The following HS6ST3 variants were observed in gnomAD, a reference collection of about 807,000 sequenced individuals.
HS6ST3 encodes heparan-sulfate 6-O-sulfotransferase 3.
A neutral mutation model predicts 36.7 loss-of-function variants in HS6ST3; 12 were observed. That is an observed-to-expected ratio of 0.33 (90% CI 0.21 to 0.53). The LOEUF (loss-of-function observed/expected upper bound fraction) is 0.53, where lower values mean the gene tolerates loss of function less well. Ranked by LOEUF, HS6ST3 falls within the 20% of genes least tolerant of loss-of-function variation. The probability of loss-of-function intolerance (pLI) is 0.95; values close to 1 mark genes in which losing one functional copy is unlikely to be tolerated. For missense variants in HS6ST3, 584 were observed against 640.9 expected (o/e 0.91, Z 0.96); for synonymous variants, 240 against 257.5 (o/e 0.93, Z 0.65).
chr13:96,469,235 A>G (rs1195651702), intron 1 of HS6ST3, among the ~76,000 whole-genome samples: 5 of 151,908 alleles, frequency 3.3e-5, no homozygotes, highest in Admixed American at 6.6e-5. Flanking sequence ...CCTTAAATAC[A>G]TTTTAGAATT....
At chr13:96,213,703 T>C (rs181756315) in intron 1 of HS6ST3, among the ~76,000 whole-genome samples, 93 of 152,312 alleles carry the variant, frequency 6.1e-4, no homozygotes, top group Non-Finnish European at 1.0e-3. Context: ...ATCAGTTTTG[T>C]ATGTGGATGT....
At chr13:96,285,560 A>G (rs1040357496) in intron 1 of HS6ST3, among the ~76,000 whole-genome samples, 3 of 152,190 alleles carry the variant, frequency 2.0e-5, no homozygotes, top group Non-Finnish European at 2.9e-5. Flanking sequence ...GTTCTGAGGA[A>G]TAAGTCATGA....
intron 1 of HS6ST3, among the ~76,000 whole-genome samples, chr13:96,658,296 T>TC (rs2056633864): frequency 1.1e-5 from 1 of 87,384 alleles, no homozygotes; most frequent in Non-Finnish European, 2.4e-5. Flanking sequence ...TTTTTTTTTT[T>TC]TTGAGATGGC....
intron 1 of HS6ST3, among the ~76,000 whole-genome samples, chr13:96,332,115 G>C (rs1349479840): frequency 1.3e-5 from 2 of 152,220 alleles, no homozygotes; most frequent in Admixed American, 6.5e-5. Context: ...CGGTACCTCA[G>C]ATGGAAATGC....
chr13:96,304,550 A>G (rs1038177170), intron 1 of HS6ST3, among the ~76,000 whole-genome samples: 3 of 151,938 alleles, frequency 2.0e-5, no homozygotes, highest in Non-Finnish European at 2.9e-5. Context: ...AAGGGTGATC[A>G]TTTTGGAGCT....
intron 1 of HS6ST3, among the ~76,000 whole-genome samples, chr13:96,656,052 C>T (rs2056623719): frequency 6.6e-6 from 1 of 152,252 alleles, no homozygotes; most frequent in East Asian, 1.9e-4. Context: ...ATATAATCCC[C>T]TCAAGAGCTT....
chr13:96,833,166 G>A lies in HS6ST3; in HGVS notation c.1384G>A (p.Glu462Lys), dbSNP rs770768259. The change falls in exon 2 of 2, where the codon GAG (glutamate) becomes AAG (lysine). Residue 462 changes from glutamate (E) to lysine (K), a missense_variant. Physicochemically the swap from Glu to Lys is moderately conservative, Grantham distance 56 (BLOSUM62 1). Coordinates refer to ENST00000376705, the MANE Select transcript of HS6ST3 (RefSeq NM_153456.4). ...EDGAAEGTVT[E>K]DYNSQVVRW ...TGGGGCTGCAGAAGGGACTGTCACC[G>A]AGGACTACAACAGCCAGGTGGTGAG... 8.8e-6 allele frequency: 14 copies of A among 1,586,672 alleles called. No individual in the cohort carries two copies. The highest frequency in any genetic ancestry group is 2.2e-5 in the East Asian group (1 of 44,754).
intron 1 of HS6ST3, among the ~76,000 whole-genome samples, chr13:96,771,019 G>GGTTCCAA (rs1171297199): frequency 6.6e-6 from 1 of 152,032 alleles, no homozygotes; most frequent in Non-Finnish European, 1.5e-5. Flanking sequence ...CATTTGGGTT[G>GGTTCCAA]GTTCCAAGTC....
chr13:96,623,953 A>G (rs1038560694), intron 1 of HS6ST3, among the ~76,000 whole-genome samples: 2 of 152,214 alleles, frequency 1.3e-5, no homozygotes, highest in South Asian at 2.1e-4. Context: ...TTGCATAATT[A>G]TATTCCTTAC....
intron 1 of HS6ST3, among the ~76,000 whole-genome samples, chr13:96,808,872 A>T (rs1292744644): frequency 6.6e-6 from 1 of 152,198 alleles, no homozygotes; most frequent in East Asian, 1.9e-4. Flanking sequence ...AGTTAACTTG[A>T]TGCTTAATAG....
chr13:96,115,809 A>C (rs2139302808), intron 1 of HS6ST3, among the ~76,000 whole-genome samples: 1 of 152,324 alleles, frequency 6.6e-6, no homozygotes, highest in African/African-American at 2.4e-5. Flanking sequence ...TGGATCCTTG[A>C]GGAATCGCCA....
At chr13:96,642,161 G>T (rs72643872) in intron 1 of HS6ST3, among the ~76,000 whole-genome samples, 1 of 151,528 alleles carries the variant, frequency 6.6e-6, no homozygotes, top group South Asian at 2.1e-4. Context: ...AAAGTTTTTG[G>T]TTGCTAGTTT....
chr13:96,522,308 G>A (rs1044354699), intron 1 of HS6ST3, among the ~76,000 whole-genome samples: 4 of 152,190 alleles, frequency 2.6e-5, no homozygotes, highest in Non-Finnish European at 5.9e-5. Context: ...ATGTGGTGCT[G>A]AGAAGAACGT....
intron 1 of HS6ST3, among the ~76,000 whole-genome samples, chr13:96,816,400 C>G (rs150582435): frequency 6.6e-6 from 1 of 152,190 alleles, no homozygotes. Flanking sequence ...TCACGTTGTA[C>G]TGGGGGGCAT....
At chr13:96,593,062 A>G (rs934209766) in intron 1 of HS6ST3, among the ~76,000 whole-genome samples, 1 of 151,712 alleles carries the variant, frequency 6.6e-6, no homozygotes, top group Non-Finnish European at 1.5e-5. Flanking sequence ...TTTAAGGCCA[A>G]TAACTCTTAG....
At chr13:96,623,336 A>G (rs1463989483) in intron 1 of HS6ST3, among the ~76,000 whole-genome samples, 1 of 152,170 alleles carries the variant, frequency 6.6e-6, no homozygotes, top group Non-Finnish European at 1.5e-5. Context: ...GGCACTGGGC[A>G]GGGACAGATC....
At chr13:96,465,939 C>T (rs1411798680) in intron 1 of HS6ST3, among the ~76,000 whole-genome samples, 4 of 54,770 alleles carry the variant, frequency 7.3e-5, no homozygotes, top group Non-Finnish European at 1.4e-4. Flanking sequence ...AGGAATGACA[C>T]ATTTTCTTTC....
chr13:96,251,852 T>C (rs533894184), intron 1 of HS6ST3, among the ~76,000 whole-genome samples: 1 of 152,342 alleles, frequency 6.6e-6, no homozygotes, highest in East Asian at 1.9e-4. Flanking sequence ...AATTTCTATA[T>C]ATTTGTGAAT....
chr13:96,360,947 A>C (rs548229085), intron 1 of HS6ST3, among the ~76,000 whole-genome samples: 2,693 of 139,788 alleles, frequency 0.019, 29 homozygotes, highest in Non-Finnish European at 0.027. Context: ...CCCTGTCCCA[A>C]AAAAAAAAAA....
Sources: gnomAD v4.1 joint callset for allele counts (sites outside exome capture counted in the v4.1 genomes callset) on GRCh38, gnomAD v4.1.1 for gene constraint, MANE v1.5 for transcripts, NCBI Gene and HGNC (gene_info 2026-07-23, HGNC 2026-07-21) for gene names.